The following PLGRKT variants were observed in gnomAD, a reference collection of about 807,000 sequenced individuals.
PLGRKT encodes plasminogen receptor (KT).
Under a neutral mutation model 18.5 loss-of-function variants are expected in PLGRKT, and 22 were observed. That is an observed-to-expected ratio of 1.19 (90% CI 0.85 to 1.70). The LOEUF (loss-of-function observed/expected upper bound fraction) is 1.70. Ranked by LOEUF, PLGRKT falls within the 40% of genes most tolerant of loss-of-function variation. The pLI, the probability that PLGRKT is intolerant of heterozygous loss-of-function variation, is 0.00. For missense variants in PLGRKT, 235 were observed against 174.4 expected (o/e 1.35, Z -1.96); for synonymous variants, 72 against 52.8 (o/e 1.36, Z -1.58).
At chr9:5,381,822 T>C (rs1817752437) in intron 3 of PLGRKT, 4 of 940,178 alleles carry the variant, frequency 4.3e-6, no homozygotes, top group Admixed American at 6.2e-5. Flanking sequence ...TTTTAAAAAA[T>C]ACATAAAGCA....
chr9:5,400,149 A>T (rs1461785158), intron 3 of PLGRKT, among the ~76,000 whole-genome samples: 1 of 151,834 alleles, frequency 6.6e-6, no homozygotes, highest in Admixed American at 6.6e-5. Flanking sequence ...CTACAGCTGA[A>T]GTTCTCCTTG....
intron 3 of PLGRKT, chr9:5,392,426 A>G (rs1243706383): frequency 1.3e-5 from 2 of 151,978 alleles, no homozygotes; most frequent in Non-Finnish European, 2.9e-5. Context: ...ATTATTGTGC[A>G]ATTATAATAC....
chr9:5,383,270 A>G lies in PLGRKT; in HGVS notation c.82-21382T>C, dbSNP rs1281032801. ...TGGGCTTGCTGACACACCTCGATTCAGACTTCTGGCCTCCAGAACTGTGAA... is the reference window on the plus strand; with the variant it reads ...TGGGCTTGCTGACACACCTCGATTCGGACTTCTGGCCTCCAGAACTGTGAA... On this transcript the variant is annotated intron_variant, in intron 3 of 5. Transcript: ENST00000223864. Among the ~76,000 whole-genome samples, 3 of 152,200 alleles carry G rather than the reference A, an allele frequency of 2.0e-5. No individual in the cohort carries two copies. In the East Asian group the frequency reaches 5.8e-4, roughly 29 times the overall value.
chr9:5,358,066 G>T lies in PLGRKT; in HGVS notation c.*173C>A. Reference sequence around the variant, plus strand: ...TAAAAGTTATTTAGAGCACCTCCATGATTTTGTGTTGAATGTTATAAATTT... The same window carrying T: ...TAAAAGTTATTTAGAGCACCTCCATTATTTTGTGTTGAATGTTATAAATTT... On this transcript the variant is annotated 3_prime_UTR_variant, in exon 6 of 6. Transcript: ENST00000223864. 1 of 484,590 alleles carries T rather than the reference G, an allele frequency of 2.1e-6. No homozygotes were observed. The highest frequency in any genetic ancestry group is 3.6e-6 in the Non-Finnish European group (1 of 278,854). 30.0% of individuals were successfully genotyped at this position (484,590 alleles called of 1,614,324 possible). A position where few individuals can be genotyped will look rare whatever the true frequency, so the allele number is the denominator to read the frequency against.
chr9:5,429,824 G>A (rs750170509), intron 3 of PLGRKT, among the ~76,000 whole-genome samples: 10 of 152,188 alleles, frequency 6.6e-5, no homozygotes, highest in Non-Finnish European at 1.3e-4. Flanking sequence ...AAAAGGGGAC[G>A]CAATCGTTGG....
At chr9:5,402,202 A>T (rs1818168089) in intron 3 of PLGRKT, among the ~76,000 whole-genome samples, 1 of 151,868 alleles carries the variant, frequency 6.6e-6, no homozygotes, top group African/African-American at 2.4e-5. Flanking sequence ...ATTTTGTTTG[A>T]TTAGTGTCAA....
chr9:5,360,760 C>T (rs1817244796), intron 5 of PLGRKT, among the ~76,000 whole-genome samples: 1 of 152,118 alleles, frequency 6.6e-6, no homozygotes, highest in Admixed American at 6.6e-5. Flanking sequence ...TGTTTATTAC[C>T]TTTGTTTTAA....
chr9:5,377,355 T>C (rs562207189), intron 3 of PLGRKT, among the ~76,000 whole-genome samples: 16 of 152,186 alleles, frequency 1.1e-4, no homozygotes, highest in African/African-American at 3.6e-4. Flanking sequence ...AAATGTATTA[T>C]ATAATCTTTT....
At chr9:5,437,734 T>G (rs1213662782) in intron 1 of PLGRKT, 55 bp downstream of exon 1, 1 of 152,210 alleles carries the variant, frequency 6.6e-6, no homozygotes, top group Non-Finnish European at 1.5e-5. Flanking sequence ...TCGCGCTGAC[T>G]GACATGGCCG....
At chr9:5,403,094 A>G (rs1279883215) in intron 3 of PLGRKT, among the ~76,000 whole-genome samples, 1 of 151,950 alleles carries the variant, frequency 6.6e-6, no homozygotes, top group East Asian at 1.9e-4. Flanking sequence ...ATTGGTCTCA[A>G]TGTAACAGAT....
At chr9:5,434,047 G>A (rs1212641573) in intron 2 of PLGRKT, among the ~76,000 whole-genome samples, 1 of 149,130 alleles carries the variant, frequency 6.7e-6, no homozygotes, top group Non-Finnish European at 1.5e-5. Context: ...GGGAAGTGAG[G>A]AGCGCCTCTG....
At chr9:5,399,754 C>T (rs778984059) in intron 3 of PLGRKT, among the ~76,000 whole-genome samples, 8 of 151,606 alleles carry the variant, frequency 5.3e-5, no homozygotes, top group South Asian at 2.1e-4. Context: ...TTTGGGAGGC[C>T]GAGGTGGGTG....
At chr9:5,393,874 G>C (rs1280914580) in intron 3 of PLGRKT, among the ~76,000 whole-genome samples, 6 of 151,814 alleles carry the variant, frequency 4.0e-5, no homozygotes, top group African/African-American at 1.5e-4. Flanking sequence ...TTGGCAATAA[G>C]AAAAAGGCCT....
rs115824153 is a variant in PLGRKT, at chr9:5,398,220, G to A, written c.81+33677C>T. Reference sequence around the variant, plus strand: ...CAACCCCCAAAGGAGAAACATCAGGGGTGGGTTACCCTCCAGCAGTGCTTT... The same window carrying A: ...CAACCCCCAAAGGAGAAACATCAGGAGTGGGTTACCCTCCAGCAGTGCTTT... On this transcript the variant is annotated intron_variant, in intron 3 of 5. Coordinates refer to ENST00000223864, the MANE Select transcript of PLGRKT (RefSeq NM_018465.4). Among the ~76,000 whole-genome samples, 717 of 151,914 alleles carry A rather than the reference G, an allele frequency of 4.7e-3. 20 individuals are homozygous for A. Among genetic ancestry groups the A allele is most frequent in the African/African-American group, 0.017 (698 of 41,212 alleles).
At chr9:5,424,624 A>G (rs1456994911) in intron 3 of PLGRKT, among the ~76,000 whole-genome samples, 2 of 127,130 alleles carry the variant, frequency 1.6e-5, no homozygotes, top group Non-Finnish European at 3.2e-5. Context: ...ATTATATTAT[A>G]TTATATTAAT....
Position 5,385,927 on chromosome 9 carries a change from A to C in PLGRKT, c.82-24039T>G, listed in dbSNP as rs12349259. 6.2e-3 allele frequency among the ~76,000 whole-genome samples: 935 copies of C among 151,926 alleles called. 27 individuals are homozygous for C. Among genetic ancestry groups the C allele is most frequent in the African/African-American group, 0.021 (850 of 41,234 alleles). ...TTGCCCATTAGCATTATTTTAGTAA[A>C]AGCACAGTTATGGGTCAATAAATGT... On this transcript the variant is annotated intron_variant, in intron 3 of 5. Coordinates refer to ENST00000223864, the MANE Select transcript of PLGRKT (RefSeq NM_018465.4).
chr9:5,431,379 C>T (rs975198056), intron 3 of PLGRKT, among the ~76,000 whole-genome samples: 1 of 151,848 alleles, frequency 6.6e-6, no homozygotes, highest in Admixed American at 6.6e-5. Context: ...ATTAAAAATA[C>T]AAAAATTAGC....
chr9:5,421,141 A>G (rs1423829968), intron 3 of PLGRKT, among the ~76,000 whole-genome samples: 2 of 152,012 alleles, frequency 1.3e-5, no homozygotes, highest in Non-Finnish European at 2.9e-5. Context: ...CCTCATCTCT[A>G]TCCACTCTCC....
At chr9:5,366,322 C>T (rs1212742641) in intron 3 of PLGRKT, among the ~76,000 whole-genome samples, 1 of 152,112 alleles carries the variant, frequency 6.6e-6, no homozygotes, top group African/African-American at 2.4e-5. Flanking sequence ...GCAGCAAGTT[C>T]TCTTAATGGT....
Sources: allele counts gnomAD v4.1 joint callset (sites outside exome capture counted in the v4.1 genomes callset), GRCh38; gene constraint gnomAD v4.1.1; transcripts MANE v1.5; gene names NCBI Gene and HGNC (gene_info 2026-07-23, HGNC 2026-07-21).